The following STARD5 variants were observed in gnomAD, a reference collection of about 807,000 sequenced individuals.
STARD5 encodes StAR related lipid transfer domain containing 5.
A neutral mutation model predicts 24.6 loss-of-function variants in STARD5; 26 were observed. That is an observed-to-expected ratio of 1.06 (90% confidence interval 0.77 to 1.47). The LOEUF is 1.47. STARD5 is among the 40% of genes most tolerant of loss of function. The pLI, the probability that STARD5 is intolerant of heterozygous loss-of-function variation, is 0.00. For missense variants in STARD5, 254 were observed against 270.8 expected (o/e 0.94, Z 0.44); for synonymous variants, 101 against 99.7 (o/e 1.01, Z -0.07).
rs1342070502 is a variant in STARD5 at position 81,312,334 on chromosome 15, T to G, written c.*922A>C. On this transcript the variant is annotated 3_prime_UTR_variant, in exon 6 of 6. Transcript: ENST00000302824. ...TAGAGGGGGGATTTCCAGCCAGGGC[T>G]GCTAGACGGAGGCCTACTCTTCCAT... 1 of 152,288 alleles carries G rather than the reference T, an allele frequency of 6.6e-6. No homozygotes were observed. The highest frequency in any genetic ancestry group is 2.4e-5 in the African/African-American group (1 of 41,466). The allele number at this position is 152,288 out of a possible 1,614,324, so 9.4% of individuals were successfully genotyped here.
chr15:81,322,733 G>T lies in STARD5; in HGVS notation c.149+166C>A, dbSNP rs1596072742. The T allele has an allele frequency of 1.0e-5, 13 of 1,301,044 alleles. No individual in the cohort carries two copies. In the East Asian group the frequency reaches 3.0e-4, roughly 30 times the overall value. 80.6% of individuals were successfully genotyped at this position (1,301,044 alleles called of 1,614,324 possible). On this transcript the variant is annotated intron_variant, in intron 2 of 5. Transcript: ENST00000302824. ...AGAAATGGACAGTAAGCTTTCACAA[G>T]AATACAGTTTGCTGGAAATGATTTC...
rs770275456 is a variant in STARD5 at position 81,319,325 on chromosome 15, C to T, written c.400+14G>A. On this transcript the variant is annotated intron_variant, in intron 4 of 5. Transcript: ENST00000302824. Reference sequence around the variant, plus strand: ...TCGCAGGAAGGCATGGCAGCTCCTCCGGGCATCACTCACCGTTGGAACTGA... The same window carrying T: ...TCGCAGGAAGGCATGGCAGCTCCTCTGGGCATCACTCACCGTTGGAACTGA... 4.2e-5 allele frequency: 67 copies of T among 1,603,918 alleles called. No individual in the cohort carries two copies. In the East Asian group the frequency reaches 6.2e-4, roughly 15 times the overall value.
intron 2 of STARD5, 94 bp downstream of exon 2, chr15:81,322,805 T>C: frequency 6.6e-7 from 1 of 1,507,784 alleles, no homozygotes; most frequent in Non-Finnish European, 9.2e-7. Context: ...TCACAGGTTA[T>C]AGGGTTGATT....
Position 81,309,066 on chromosome 15 carries a change from A to G in STARD5, c.*4190T>C, listed in dbSNP as rs1270964405. The G allele has an allele frequency of 1.1e-5, 4 of 364,926 alleles. No individual in the cohort carries two copies. The highest frequency in any genetic ancestry group is 2.0e-5 in the Non-Finnish European group (4 of 204,364). The allele number at this position is 364,926 out of a possible 1,614,324, so 22.6% of individuals were successfully genotyped here. A position where few individuals can be genotyped will look rare whatever the true frequency, so the allele number is the denominator to read the frequency against. On this transcript the variant is annotated 3_prime_UTR_variant, in exon 6 of 6. Transcript: ENST00000302824. Reference sequence around the variant, plus strand: ...TTAATGATAATATTGTGGTGCCACAAATAAAATGGATTTATTAGAATTTCA... The same window carrying G: ...TTAATGATAATATTGTGGTGCCACAGATAAAATGGATTTATTAGAATTTCA...
At chr15:81,322,641 T>G in intron 2 of STARD5, 101 bp from the exon 3 acceptor site, 1 of 1,556,500 alleles carries the variant, frequency 6.4e-7, no homozygotes. Context: ...TGTCTGTCAC[T>G]ACTCTTTAGG....
At chr15:81,323,217 T>G (rs1893323913) in intron 1 of STARD5, 4 of 501,400 alleles carry the variant, frequency 8.0e-6, no homozygotes, top group Non-Finnish European at 1.4e-5. Flanking sequence ...GCATTCTGTT[T>G]CCTTGAGCAA....
intron 5 of STARD5, among the ~76,000 whole-genome samples, chr15:81,317,444 C>T (rs940841827): frequency 3.9e-5 from 6 of 152,138 alleles, no homozygotes; most frequent in African/African-American, 9.7e-5. Flanking sequence ...GGATCCAGGG[C>T]ACCTATATAT....
In STARD5 at chr15:81,310,243, A is replaced by G. The variant is rs780871566; in HGVS notation, c.*3013T>C. Reference sequence around the variant, plus strand: ...TTCTCAGGCCATCATCAGTGGAGCCATGTTAATGTAATCTGATGGCTTCTC... The same window carrying G: ...TTCTCAGGCCATCATCAGTGGAGCCGTGTTAATGTAATCTGATGGCTTCTC... On this transcript the variant is annotated 3_prime_UTR_variant, in exon 6 of 6. Coordinates refer to ENST00000302824, the MANE Select transcript of STARD5 (RefSeq NM_181900.3). 1 of 152,254 alleles carries G rather than the reference A, an allele frequency of 6.6e-6. No individual in the cohort carries two copies. The highest frequency in any genetic ancestry group is 2.4e-5 in the African/African-American group (1 of 41,470). The allele number at this position is 152,254 out of a possible 1,614,324, so 9.4% of individuals were successfully genotyped here.
intron 3 of STARD5, among the ~76,000 whole-genome samples, chr15:81,322,113 G>A (rs550985233): frequency 1.3e-5 from 2 of 152,194 alleles, no homozygotes; most frequent in Admixed American, 6.5e-5. Flanking sequence ...CAGGGAAGTG[G>A]GTGCCAGGGG....
At chr15:81,323,688 C>T (rs1893334602) in intron 1 of STARD5, 3 of 949,062 alleles carry the variant, frequency 3.2e-6, no homozygotes, top group Non-Finnish European at 5.1e-6. Context: ...CTGCTTACCC[C>T]TTAAATGCAA....
At position 81,312,350 on chromosome 15, in the gene STARD5, A is replaced by G. The variant is rs748817907; in HGVS notation, c.*906T>C. On this transcript the variant is annotated 3_prime_UTR_variant, in exon 6 of 6. Coordinates refer to ENST00000302824, the MANE Select transcript of STARD5 (RefSeq NM_181900.3). ...AGCCAGGGCTGCTAGACGGAGGCCT[A>G]CTCTTCCATCTTTCCTGATGGCAGG... 6.6e-6 allele frequency: 1 copy of G among 152,106 alleles called. No homozygotes were observed. Among genetic ancestry groups the G allele is most frequent in the Non-Finnish European group, 1.5e-5 (1 of 68,042 alleles). The allele number at this position is 152,106 out of a possible 1,614,324, so 9.4% of individuals were successfully genotyped here. A position where few individuals can be genotyped will look rare whatever the true frequency, so the allele number is the denominator to read the frequency against.
chr15:81,314,695 G>A (rs936959545), intron 5 of STARD5, among the ~76,000 whole-genome samples: 2 of 152,090 alleles, frequency 1.3e-5, no homozygotes, highest in South Asian at 2.1e-4. Context: ...AGACCAATCT[G>A]GACAACAAGG....
At chr15:81,323,763 C>A in intron 1 of STARD5, 1 of 727,132 alleles carries the variant, frequency 1.4e-6, no homozygotes, top group South Asian at 1.7e-5. Flanking sequence ...AGCCAGGTGA[C>A]CTTGGGCAAG....
intron 5 of STARD5, 142 bp downstream of exon 5, chr15:81,318,267 T>C: frequency 1.5e-6 from 1 of 681,760 alleles, no homozygotes; most frequent in Non-Finnish European, 2.6e-6. Context: ...GTGAAAGTAT[T>C]TTGTATCGTC....
At chr15:81,323,468 A>G (rs1893328988) in intron 1 of STARD5, 1 of 411,938 alleles carries the variant, frequency 2.4e-6, no homozygotes, top group South Asian at 2.2e-5. Flanking sequence ...AGAGGGGTTC[A>G]TGCTGTAATG....
At position 81,318,513 on chromosome 15, in the gene STARD5, G is replaced by A; in HGVS notation, c.401-11C>T. On this transcript the variant is annotated splice_polypyrimidine_tract_variant and intron_variant, in intron 4 of 5. Coordinates refer to ENST00000302824, the MANE Select transcript of STARD5 (RefSeq NM_181900.3). ...GCTCCACATGGGTGGCTGGAAGACA[G>A]TGCAGAATCTCGGTGAGTTACAACT... The A allele has an allele frequency of 1.2e-6, 2 of 1,613,034 alleles. No homozygotes were observed. The highest frequency in any genetic ancestry group is 1.7e-6 in the Non-Finnish European group (2 of 1,179,290).
rs1224126531 is a variant in STARD5 at position 81,309,802 on chromosome 15, A to T, written c.*3454T>A. ...CATGCCAAGCACTGTGCTCAGGGCTAAACGGGCATTGCCTTTAGTGATCAC... is the reference window on the plus strand; with the variant it reads ...CATGCCAAGCACTGTGCTCAGGGCTTAACGGGCATTGCCTTTAGTGATCAC... On this transcript the variant is annotated 3_prime_UTR_variant, in exon 6 of 6. Coordinates refer to ENST00000302824, the MANE Select transcript of STARD5 (RefSeq NM_181900.3). 3.6e-4 allele frequency: 55 copies of T among 152,278 alleles called. No individual in the cohort carries two copies. Among genetic ancestry groups the T allele is most frequent in the Admixed American group, 3.6e-3 (55 of 15,284 alleles). 9.4% of individuals were successfully genotyped at this position (152,278 alleles called of 1,614,324 possible). A position where few individuals can be genotyped will look rare whatever the true frequency, so the allele number is the denominator to read the frequency against.
chr15:81,314,893 GA>G (rs5814055), intron 5 of STARD5, among the ~76,000 whole-genome samples: 18,383 of 104,206 alleles, frequency 0.18, 2,651 homozygotes, highest in African/African-American at 0.42. Flanking sequence ...CCTCAAAAAA[GA>G]AAAAAAAAAA....
chr15:81,323,837 T>G (rs1187859066), intron 1 of STARD5, 164 bp downstream of exon 1: 1 of 748,116 alleles, frequency 1.3e-6, no homozygotes, highest in Non-Finnish European at 2.2e-6. Context: ...AGGCCCAATC[T>G]TTTTTTTAAA....
Sources: gnomAD v4.1 joint callset for allele counts (sites outside exome capture counted in the v4.1 genomes callset) on GRCh38, gnomAD v4.1.1 for gene constraint, MANE v1.5 for transcripts, NCBI Gene and HGNC (gene_info 2026-07-23, HGNC 2026-07-21) for gene names.